Variants in ZC3H12B observed in about 807,000 individuals in gnomAD.
The protein encoded by ZC3H12B is probable ribonuclease ZC3H12B.
ZC3H12B carries 7 observed loss-of-function variants against 43.9 expected under a neutral mutation model. The ratio of observed to expected loss-of-function variants is 0.16; its 90% CI spans 0.09 to 0.30. ZC3H12B has a LOEUF of 0.30. Ranked by LOEUF, ZC3H12B falls within the 10% of genes least tolerant of loss-of-function variation. The pLI is 1.00. For missense variants in ZC3H12B, 475 were observed against 670.2 expected, an observed-to-expected ratio of 0.71 and a Z score of 3.22; for synonymous variants, 222 against 241.7, an observed-to-expected ratio of 0.92 and a Z score of 0.76.
At chrX:65,299,784 A>G in the ZC3H12B span, among the ~76,000 whole-genome samples, 1,936 of 112,462 alleles carry the variant, frequency 0.017, 23 homozygotes, top group Non-Finnish European at 0.03. Flanking sequence ...CCCTTTGAAG[A>G]AAGCAGCTTG....
chrX:65,461,275 C>A (rs916634398), intron 3 of ZC3H12B, among the ~76,000 whole-genome samples: 1 of 111,946 alleles, frequency 8.9e-6, no homozygotes, highest in Non-Finnish European at 1.9e-5. Context: ...CTAGTTCAAC[C>A]ATTGTGGAAG....
the ZC3H12B span, among the ~76,000 whole-genome samples, chrX:65,348,341 C>T: frequency 9.0e-6 from 1 of 111,370 alleles, no homozygotes; most frequent in Admixed American, 9.5e-5. Flanking sequence ...CCAGGCCTGC[C>T]TTACAAGATA....
At chrX:65,096,978 TTATAC>T in the ZC3H12B span, among the ~76,000 whole-genome samples, 71 of 111,597 alleles carry the variant, frequency 6.4e-4, no homozygotes, top group South Asian at 3.0e-3. Flanking sequence ...TTGAGAACTA[TTATAC>T]TATACCATGT....
intron 1 of ZC3H12B, among the ~76,000 whole-genome samples, chrX:65,496,105 G>A (rs1376553620): frequency 9.0e-6 from 1 of 111,706 alleles, no homozygotes; most frequent in African/African-American, 3.3e-5. Context: ...TTAATATTTC[G>A]ATGTACTCAT....
chrX:65,045,021 A>G, the ZC3H12B span, among the ~76,000 whole-genome samples: 2 of 110,838 alleles, frequency 1.8e-5, no homozygotes, highest in Admixed American at 9.7e-5. Flanking sequence ...GAAGTGTACA[A>G]TAGCACTATG....
chrX:65,040,657 C>T, the ZC3H12B span, among the ~76,000 whole-genome samples: 1 of 110,384 alleles, frequency 9.1e-6, no homozygotes, highest in African/African-American at 3.3e-5. Flanking sequence ...GACAAGATCC[C>T]TTAGGGATCT....
chrX:65,381,680 A>G (rs763768384), intron 2 of ZC3H12B, among the ~76,000 whole-genome samples: 8 of 112,051 alleles, frequency 7.1e-5, no homozygotes, highest in East Asian at 2.8e-4. Flanking sequence ...TTTTTTGAAA[A>G]GATCAACAAA....
the ZC3H12B span, among the ~76,000 whole-genome samples, chrX:65,229,989 G>C: frequency 9.0e-6 from 1 of 111,548 alleles, no homozygotes; most frequent in Non-Finnish European, 1.9e-5. Context: ...ATTCCTCTGG[G>C]ATCTAGAACT....
chrX:65,196,138 G>T, the ZC3H12B span, among the ~76,000 whole-genome samples: 1 of 71,060 alleles, frequency 1.4e-5, no homozygotes. Flanking sequence ...ACCCCCCGCA[G>T]CTAGTGCCCC....
chrX:65,378,464 C>A (rs1157811562), intron 2 of ZC3H12B, among the ~76,000 whole-genome samples: 3 of 110,447 alleles, frequency 2.7e-5, no homozygotes, highest in African/African-American at 9.9e-5. Flanking sequence ...AAATAAACAA[C>A]AGATACAAAA....
chrX:65,373,186 A>G (rs2066271467), intron 2 of ZC3H12B, among the ~76,000 whole-genome samples: 1 of 112,418 alleles, frequency 8.9e-6, no homozygotes, highest in Non-Finnish European at 1.9e-5. Flanking sequence ...GTAAACCACA[A>G]TGAGATACCA....
chrX:65,079,771 C>T, the ZC3H12B span, among the ~76,000 whole-genome samples: 3 of 111,480 alleles, frequency 2.7e-5, no homozygotes, highest in Non-Finnish European at 5.6e-5. Flanking sequence ...CAAGCTCAGA[C>T]AGTGAAGACT....
chrX:65,452,231 G>A lies in ZC3H12B; in HGVS notation n.408-36415G>A, dbSNP rs184128576. Among the ~76,000 whole-genome samples, 106 of 111,290 alleles carry A rather than the reference G, an allele frequency of 9.5e-4. 2 individuals are homozygous for A. Among genetic ancestry groups the A allele is most frequent in the African/African-American group, 3.4e-3 (105 of 30,681 alleles). On this transcript the variant is annotated intron_variant and non_coding_transcript_variant, in intron 3 of 5. Transcript: ENST00000617377. Reference sequence around the variant, plus strand: ...AAAAGGCATCCAAATCAGTAAAGAGGAAGTCAAACGATCACTGTTTGCTGA... The same window carrying A: ...AAAAGGCATCCAAATCAGTAAAGAGAAAGTCAAACGATCACTGTTTGCTGA...
At chrX:65,159,765 G>C in the ZC3H12B span, among the ~76,000 whole-genome samples, 2 of 111,512 alleles carry the variant, frequency 1.8e-5, no homozygotes, top group Non-Finnish European at 3.8e-5. Flanking sequence ...TCCTTCTCTT[G>C]CCTGATTGCC....
intron 3 of ZC3H12B, among the ~76,000 whole-genome samples, chrX:65,423,414 T>C (rs2067043481): frequency 1.8e-5 from 2 of 112,505 alleles, no homozygotes; most frequent in Non-Finnish European, 1.9e-5. Flanking sequence ...TTTCTAGTTC[T>C]AGATCATTGA....
the ZC3H12B span, among the ~76,000 whole-genome samples, chrX:65,176,530 G>A: frequency 9.9e-5 from 11 of 111,632 alleles, no homozygotes; most frequent in African/African-American, 2.0e-4. Context: ...CAGCACTGGA[G>A]CTCTGCTAAG....
At chrX:65,246,780 T>G in the ZC3H12B span, among the ~76,000 whole-genome samples, 1 of 112,089 alleles carries the variant, frequency 8.9e-6, no homozygotes, top group Non-Finnish European at 1.9e-5. Flanking sequence ...GACATAAATG[T>G]AAAACCCAAA....
intron 3 of ZC3H12B, among the ~76,000 whole-genome samples, chrX:65,426,299 G>T (rs181393176): frequency 9.6e-6 from 1 of 103,631 alleles, no homozygotes; most frequent in East Asian, 3.0e-4. Flanking sequence ...GGTGTCAGTG[G>T]TGATATCCCC....
the ZC3H12B span, among the ~76,000 whole-genome samples, chrX:65,254,150 G>T: frequency 8.9e-6 from 1 of 111,970 alleles, no homozygotes; most frequent in African/African-American, 3.2e-5. Context: ...CCCCCCCACT[G>T]CCACTGCTGC....
Sources: allele counts gnomAD v4.1 joint callset (sites outside exome capture counted in the v4.1 genomes callset), GRCh38; gene constraint gnomAD v4.1.1; transcripts MANE v1.5; gene names NCBI Gene and HGNC (gene_info 2026-07-23, HGNC 2026-07-21).